Variants in KAT6B observed in about 807,000 individuals in gnomAD.
KAT6B encodes lysine acetyltransferase 6B, also known as histone acetyltransferase KAT6B.
In KAT6B, 10 loss-of-function variants were observed where a neutral mutation model predicts 187.5. The ratio of observed to expected loss-of-function variants is 0.05; its 90% CI spans 0.03 to 0.09. The LOEUF is 0.09. Among genes scored for constraint, KAT6B ranks in the 10% least tolerant of loss-of-function variants. KAT6B has a pLI of 1.00. For synonymous variants in KAT6B, 861 were observed against 926.8 expected, an observed-to-expected ratio of 0.93 and a Z score of 1.29; for missense variants, 1,952 against 2,558.9, an observed-to-expected ratio of 0.76 and a Z score of 5.12.
At chr10:75,017,375 G>A (rs1845055410) in intron 13 of KAT6B, among the ~76,000 whole-genome samples, 3 of 151,378 alleles carry the variant, frequency 2.0e-5, no homozygotes, top group African/African-American at 7.3e-5. Flanking sequence ...GCTCACGCCT[G>A]TAATCCCAAC....
intron 3 of KAT6B, among the ~76,000 whole-genome samples, chr10:74,920,607 C>T (rs1285006254): frequency 6.6e-6 from 1 of 152,018 alleles, no homozygotes; most frequent in Non-Finnish European, 1.5e-5. Context: ...ACGTTTTCAA[C>T]CAGATCATAA....
intron 3 of KAT6B, among the ~76,000 whole-genome samples, chr10:74,890,761 T>C (rs1016569320): frequency 4.0e-5 from 6 of 151,722 alleles, no homozygotes; most frequent in Non-Finnish European, 7.4e-5. Flanking sequence ...TGGTTACCAA[T>C]TTTTTTTTGT....
At chr10:74,848,349 G>C (rs913062700) in intron 3 of KAT6B, among the ~76,000 whole-genome samples, 2 of 152,064 alleles carry the variant, frequency 1.3e-5, no homozygotes, top group African/African-American at 4.8e-5. Flanking sequence ...AACATAAAGA[G>C]ATTTTTGGCT....
chr10:74,826,365 A>G (rs1328543387), upstream of KAT6B, among the ~76,000 whole-genome samples: 3 of 150,532 alleles, frequency 2.0e-5, no homozygotes, highest in Non-Finnish European at 4.4e-5. Flanking sequence ...TTGGCAGTGG[A>G]CCCTCCCCCG....
At chr10:74,984,788 A>G (rs1372697599) in intron 11 of KAT6B, 2 of 402,364 alleles carry the variant, frequency 5.0e-6, no homozygotes, top group East Asian at 1.1e-4. Context: ...CTCAGAATAA[A>G]TTACAAGTAA....
chr10:75,024,816 T>C, intron 16 of KAT6B, 142 bp from the exon 17 acceptor site: 2 of 758,854 alleles, frequency 2.6e-6, no homozygotes, highest in South Asian at 3.0e-5. Flanking sequence ...AGACATCAAA[T>C]GGAAGGTTAA....
chr10:74,983,122 A>T (rs1842616745), intron 11 of KAT6B: 1 of 152,130 alleles, frequency 6.6e-6, no homozygotes, highest in Non-Finnish European at 1.5e-5. Flanking sequence ...GAAGAAGGGT[A>T]TTGTTGCTGG....
intron 3 of KAT6B, among the ~76,000 whole-genome samples, chr10:74,942,168 G>T (rs1021860443): frequency 6.6e-5 from 10 of 151,906 alleles, no homozygotes; most frequent in African/African-American, 2.4e-4. Flanking sequence ...AAATAAAAAC[G>T]AAACAAAGAC....
chr10:74,832,558 A>G (rs572842032), intron 1 of KAT6B, among the ~76,000 whole-genome samples: 7 of 151,974 alleles, frequency 4.6e-5, no homozygotes, highest in African/African-American at 1.7e-4. Flanking sequence ...CTGGAGTGCA[A>G]TGGCGTAATC....
At chr10:74,870,985 C>T (rs1327255861) in intron 3 of KAT6B, among the ~76,000 whole-genome samples, 1 of 150,738 alleles carries the variant, frequency 6.6e-6, no homozygotes, top group African/African-American at 2.4e-5. Flanking sequence ...TCAAGTAATT[C>T]TCCTGCCTCA....
In KAT6B at chr10:74,848,503, T is replaced by TCAACAACAACAACAAGAACAA. The variant is rs1267537695; in HGVS notation, c.621+5041_621+5061dup. On this transcript the variant is annotated intron_variant, in intron 3 of 17. Transcript: ENST00000287239. Reference sequence around the variant, plus strand: ...CTGGGCGACAGAGCAACACTTCGTTTCAACAACAACAACAAGAACAACAAC... The same window carrying TCAACAACAACAACAAGAACAA: ...CTGGGCGACAGAGCAACACTTCGTTTCAACAACAACAACAAGAACAACAACAACAACAACAAGAACAACAAC... Among the ~76,000 whole-genome samples, 5 of 151,962 alleles carry TCAACAACAACAACAAGAACAA rather than the reference T, an allele frequency of 3.3e-5. No homozygotes were observed. In the South Asian group the frequency reaches 1.0e-3, roughly 32 times the overall value.
chr10:74,826,388 A>G (rs937740860), upstream of KAT6B, among the ~76,000 whole-genome samples: 3 of 151,632 alleles, frequency 2.0e-5, no homozygotes, highest in East Asian at 3.9e-4. Context: ...GTGGTGCCGG[A>G]GGGGGGGATG....
chr10:74,942,206 T>G (rs940391445), intron 3 of KAT6B, among the ~76,000 whole-genome samples: 2 of 152,076 alleles, frequency 1.3e-5, no homozygotes, highest in Admixed American at 1.3e-4. Context: ...CTATGGAACA[T>G]TCCTCATGAA....
intron 3 of KAT6B, among the ~76,000 whole-genome samples, chr10:74,931,072 A>G (rs538183214): frequency 4.6e-5 from 7 of 152,330 alleles, no homozygotes; most frequent in African/African-American, 1.7e-4. Flanking sequence ...AACTCAACAG[A>G]TGGAAGCAGA....
chr10:74,944,442 T>C (rs567283396), intron 3 of KAT6B, among the ~76,000 whole-genome samples: 1 of 152,314 alleles, frequency 6.6e-6, no homozygotes, highest in Non-Finnish European at 1.5e-5. Context: ...GGGCAAAAGA[T>C]TCTAACAGAA....
intron 3 of KAT6B, among the ~76,000 whole-genome samples, chr10:74,929,465 A>G (rs1197956879): frequency 6.6e-6 from 1 of 152,192 alleles, no homozygotes; most frequent in Non-Finnish European, 1.5e-5. Context: ...TCATACATTG[A>G]CCGAATGCCA....
At chr10:74,899,812 A>G (rs1846256873) in intron 3 of KAT6B, among the ~76,000 whole-genome samples, 1 of 152,184 alleles carries the variant, frequency 6.6e-6, no homozygotes, top group Non-Finnish European at 1.5e-5. Flanking sequence ...AATGTTAAAT[A>G]GTTAAAATTT....
At chr10:74,944,239 A>T (rs1310904217) in intron 3 of KAT6B, among the ~76,000 whole-genome samples, 1 of 152,222 alleles carries the variant, frequency 6.6e-6, no homozygotes, top group East Asian at 1.9e-4. Context: ...ATCACTCAGT[A>T]ATGTGGGCCT....
At chr10:74,880,113 A>T (rs551531063) in intron 3 of KAT6B, among the ~76,000 whole-genome samples, 71 of 152,346 alleles carry the variant, frequency 4.7e-4, no homozygotes, top group African/African-American at 1.7e-3. Flanking sequence ...TTACTTTTTT[A>T]AAGTGTGTAA....
Sources: gnomAD v4.1 joint callset for allele counts (sites outside exome capture counted in the v4.1 genomes callset) on GRCh38, gnomAD v4.1.1 for gene constraint, MANE v1.5 for transcripts, NCBI Gene and HGNC (gene_info 2026-07-23, HGNC 2026-07-21) for gene names.